Variants in MPPED2 observed in about 807,000 individuals in gnomAD.
MPPED2 encodes the protein metallophosphoesterase MPPED2.
Under a neutral mutation model 33.0 loss-of-function variants are expected in MPPED2, and 5 were observed. The ratio of observed to expected loss-of-function variants is 0.15; its 90% CI spans 0.08 to 0.32. The LOEUF is 0.32. Among genes scored for constraint, MPPED2 ranks in the 10% least tolerant of loss-of-function variants. The pLI, the probability that MPPED2 is intolerant of heterozygous loss-of-function variation, is 1.00. For missense variants in MPPED2, 275 were observed against 372.1 expected, an observed-to-expected ratio of 0.74 and a Z score of 2.15; for synonymous variants, 136 against 141.9, an observed-to-expected ratio of 0.96 and a Z score of 0.29.
Position 30,531,940 on chromosome 11 carries a change from C to T in MPPED2, c.310+4054G>A, listed in dbSNP as rs187901697. 6.4e-4 allele frequency among the ~76,000 whole-genome samples: 98 copies of T among 152,354 alleles called. 1 individual carries two copies. The East Asian group carries it at 0.018, about 28-fold the overall frequency. The stretch of plus-strand genomic sequence containing the variant: ...TTCCTCCAACAGATTTCAAGCCCCA[C>T]TCTGGGAAGAGAGGTAAGGAAATAC... On this transcript the variant is annotated intron_variant, in intron 3 of 6. Transcript: ENST00000358117.
intron 6 of MPPED2, among the ~76,000 whole-genome samples, chr11:30,398,368 G>A (rs1006515774): frequency 3.9e-5 from 6 of 152,114 alleles, no homozygotes; most frequent in African/African-American, 1.4e-4. Context: ...CCATAAAGGG[G>A]TAGCTTTAGA....
Position 30,430,685 on chromosome 11 carries a change from AATTATTTCTAAATTCTGCAGAAAAAAG to A in MPPED2, c.537-13079_537-13053del, listed in dbSNP as rs1196252199. ...TTCGTAACAACAAAATATTGGGAACAATTATTTCTAAATTCTGCAGAAAAAAGAATGGTTAAAAAATTTGCCATGATT... is the reference window on the plus strand; with the variant it reads ...TTCGTAACAACAAAATATTGGGAACAAATGGTTAAAAAATTTGCCATGATT... On this transcript the variant is annotated intron_variant, in intron 4 of 6. Coordinates refer to ENST00000358117, the MANE Select transcript of MPPED2 (RefSeq NM_001584.3). 3.9e-5 allele frequency among the ~76,000 whole-genome samples: 6 copies of A among 152,238 alleles called. No individual in the cohort carries two copies. In the East Asian group the frequency reaches 1.2e-3, roughly 29 times the overall value.
intron 4 of MPPED2, chr11:30,425,738 G>T (rs1482546020): frequency 6.6e-6 from 1 of 152,216 alleles, no homozygotes; most frequent in Non-Finnish European, 1.5e-5. Flanking sequence ...GTCCTGCTCA[G>T]CCCTGGGACC....
chr11:30,486,852 A>G (rs902085370), intron 4 of MPPED2, among the ~76,000 whole-genome samples: 1 of 152,140 alleles, frequency 6.6e-6, no homozygotes, highest in Non-Finnish European at 1.5e-5. Context: ...ATTTTGCTCT[A>G]TCATCTCTAG....
chr11:30,432,736 T>C (rs1276535734), intron 4 of MPPED2, among the ~76,000 whole-genome samples: 1 of 152,190 alleles, frequency 6.6e-6, no homozygotes, highest in Non-Finnish European at 1.5e-5. Flanking sequence ...CATTTTGATG[T>C]ATATATTTCT....
Position 30,570,032 on chromosome 11 carries a change from T to C in MPPED2, c.128+10214A>G, listed in dbSNP as rs1956622432. On this transcript the variant is annotated intron_variant, in intron 2 of 6. Transcript: ENST00000358117. ...TTCACAAATACGCCCATTTCTCCTC[T>C]TGTTCCCTCTATAAAATTCATCTTC... 2.0e-5 allele frequency among the ~76,000 whole-genome samples: 3 copies of C among 152,180 alleles called. No homozygotes were observed. The South Asian group carries it at 6.2e-4, about 32-fold the overall frequency.
In MPPED2 at chr11:30,495,445, G is replaced by A. The variant is rs769998725; in HGVS notation, c.387C>T (p.Asp129=). The change falls in exon 4 of 7, where the codon GAC becomes GAT. Residue 129 remains aspartate (D), a synonymous_variant. Transcript: ENST00000358117. ...AACGGTAGTAGTCCTGTTTAACAAGGTCTGCCATGAATTCCTTATCAAATG... is the reference window on the plus strand; with the variant it reads ...AACGGTAGTAGTCCTGTTTAACAAGATCTGCCATGAATTCCTTATCAAATG... ...ELTFDKEFMA[D]LVKQDYYRFP... The A allele has an allele frequency of 6.8e-6, 11 of 1,614,100 alleles. No individual in the cohort carries two copies. In the East Asian group the frequency reaches 2.5e-4, roughly 36 times the overall value.
chr11:30,451,766 G>A, intron 4 of MPPED2: 1 of 985,084 alleles, frequency 1.0e-6, no homozygotes, highest in Non-Finnish European at 1.2e-6. Context: ...GCAATTTGAG[G>A]GGTGGGAGGG....
rs556890843 is a variant in MPPED2, at chr11:30,508,487, C to T, written c.311-12966G>A. Among the ~76,000 whole-genome samples the T allele has an allele frequency of 1.7e-3, 262 of 152,238 alleles. 1 individual carries two copies. The highest frequency in any genetic ancestry group is 5.4e-3 in the South Asian group (26 of 4,808). Reference sequence around the variant, plus strand: ...TTGTGTTCCCCCAAAATGCATAGACCAAACCTGCTAGTAGCCTCCACAACT... The same window carrying T: ...TTGTGTTCCCCCAAAATGCATAGACTAAACCTGCTAGTAGCCTCCACAACT... On this transcript the variant is annotated intron_variant, in intron 3 of 6. Coordinates refer to ENST00000358117, the MANE Select transcript of MPPED2 (RefSeq NM_001584.3).
At chr11:30,443,514 G>C (rs975374434) in intron 4 of MPPED2, among the ~76,000 whole-genome samples, 5 of 152,082 alleles carry the variant, frequency 3.3e-5, no homozygotes, top group South Asian at 2.1e-4. Flanking sequence ...GAGAGAAGAC[G>C]GGGCAGGGAT....
At chr11:30,476,816 G>C (rs1951225411) in intron 4 of MPPED2, among the ~76,000 whole-genome samples, 1 of 152,026 alleles carries the variant, frequency 6.6e-6, no homozygotes, top group African/African-American at 2.4e-5. Flanking sequence ...AGATTGAGCT[G>C]AATCTACAGA....
chr11:30,504,537 A>G (rs2134262842), intron 3 of MPPED2, among the ~76,000 whole-genome samples: 1 of 152,284 alleles, frequency 6.6e-6, no homozygotes, highest in South Asian at 2.1e-4. Context: ...TGGCACCTAG[A>G]AGAATGCTTA....
At chr11:30,428,894 T>G (rs1948959405) in intron 4 of MPPED2, 1 of 152,162 alleles carries the variant, frequency 6.6e-6, no homozygotes, top group African/African-American at 2.4e-5. Context: ...TCACCAACCC[T>G]TTGGTTTTTG....
intron 4 of MPPED2, among the ~76,000 whole-genome samples, chr11:30,481,517 G>A (rs1951486014): frequency 6.6e-6 from 1 of 152,148 alleles, no homozygotes; most frequent in South Asian, 2.1e-4. Context: ...TTTGCAGACT[G>A]ATTAATAGAA....
In MPPED2 at chr11:30,504,758, C is replaced by T. The variant is rs577235960; in HGVS notation, c.311-9237G>A. ...CACACTTGCTGATGGAGCCACACAG[C>T]AGGTTCAGACTGCTACCTTCTCCTC... On this transcript the variant is annotated intron_variant, in intron 3 of 6. Coordinates refer to ENST00000358117, the MANE Select transcript of MPPED2 (RefSeq NM_001584.3). 5.4e-6 allele frequency: 7 copies of T among 1,288,136 alleles called. No homozygotes were observed. In the Admixed American group the frequency reaches 9.2e-5, roughly 17 times the overall value. 79.8% of individuals were successfully genotyped at this position (1,288,136 alleles called of 1,614,324 possible).
chr11:30,401,536 T>C (rs1411337447), intron 6 of MPPED2, among the ~76,000 whole-genome samples: 1 of 152,224 alleles, frequency 6.6e-6, no homozygotes, highest in African/African-American at 2.4e-5. Flanking sequence ...ATCCCTAGAA[T>C]AGGGCTAAAA....
chr11:30,390,815 G>T (rs561776709), intron 6 of MPPED2, among the ~76,000 whole-genome samples: 2 of 152,274 alleles, frequency 1.3e-5, no homozygotes, highest in East Asian at 3.9e-4. Flanking sequence ...CACATGTTTG[G>T]CAGTGGTGCT....
rs1468025000 is a variant in MPPED2 at position 30,580,331 on chromosome 11, C to A, written c.43G>T (p.Val15Leu). ...IPSQGKVTITVDEYSSNPTQA... is the reference protein window; with the variant it reads ...IPSQGKVTITLDEYSSNPTQA... ...GTGGGGTTTGAGCTGTACTCATCCACCGTTATGGTAACTTTGCCTTGAGAA... is the reference window on the plus strand; with the variant it reads ...GTGGGGTTTGAGCTGTACTCATCCAACGTTATGGTAACTTTGCCTTGAGAA... The change falls in exon 2 of 7, where the codon GTG (valine) becomes TTG (leucine). Residue 15 changes from valine to leucine, a missense_variant. Physicochemically the swap from Val to Leu is conservative, Grantham distance 32. Coordinates refer to ENST00000358117, the MANE Select transcript of MPPED2 (RefSeq NM_001584.3). 6.2e-7 allele frequency: 1 copy of A among 1,613,990 alleles called. No homozygotes were observed. Among genetic ancestry groups the A allele is most frequent in the Non-Finnish European group, 8.5e-7 (1 of 1,180,020 alleles).
At chr11:30,385,120 G>T (rs1383888733) in exon 7 of MPPED2, 2 of 152,304 alleles carry the variant, frequency 1.3e-5, no homozygotes, top group South Asian at 4.1e-4. Context: ...ACAAAGTTTT[G>T]TAACGTGTGT....
Sources: allele counts gnomAD v4.1 joint callset (sites outside exome capture counted in the v4.1 genomes callset), GRCh38; gene constraint gnomAD v4.1.1; transcripts MANE v1.5; gene names NCBI Gene and HGNC (gene_info 2026-07-23, HGNC 2026-07-21).